Variants in SLC44A5 observed in about 807,000 individuals in gnomAD.
SLC44A5 encodes the protein solute carrier family 44 member 5, also known as choline transporter-like protein 5.
Under a neutral mutation model 101.8 loss-of-function variants are expected in SLC44A5, and 57 were observed. That is an observed-to-expected ratio of 0.56 (90% CI 0.45 to 0.70). The LOEUF (loss-of-function observed/expected upper bound fraction) is 0.70, where lower values mean the gene tolerates loss of function less well. Ranked by LOEUF, SLC44A5 falls within the 30% of genes least tolerant of loss-of-function variation. The probability of loss-of-function intolerance (pLI) is 0.00; values close to 1 mark genes in which losing one functional copy is unlikely to be tolerated. For synonymous variants in SLC44A5, 281 were observed against 290.9 expected (o/e 0.97, Z 0.35); for missense variants, 737 against 853.1 (o/e 0.86, Z 1.70).
chr1:75,283,104 CTA>C (rs1294500984), intron 5 of SLC44A5, among the ~76,000 whole-genome samples: 2 of 152,076 alleles, frequency 1.3e-5, no homozygotes, highest in Non-Finnish European at 2.9e-5. Context: ...AGTGGTAGTA[CTA>C]GTTTACATTC....
At chr1:75,245,791 A>C (rs1013013591) in intron 7 of SLC44A5, among the ~76,000 whole-genome samples, 8 of 152,096 alleles carry the variant, frequency 5.3e-5, no homozygotes, top group Non-Finnish European at 1.2e-4. Context: ...AAACAATACA[A>C]CTGCACTTTA....
At chr1:75,373,864 C>T (rs1437368818) in intron 3 of SLC44A5, among the ~76,000 whole-genome samples, 2 of 152,126 alleles carry the variant, frequency 1.3e-5, no homozygotes, top group African/African-American at 2.4e-5. Flanking sequence ...CCCTACCCCC[C>T]AGGATTCAAG....
intron 1 of SLC44A5, among the ~76,000 whole-genome samples, chr1:75,607,552 G>C (rs1211194178): frequency 6.6e-6 from 1 of 151,992 alleles, no homozygotes; most frequent in African/African-American, 2.4e-5. Flanking sequence ...TAACACATCT[G>C]ACATAGTTTG....
intron 1 of SLC44A5, among the ~76,000 whole-genome samples, chr1:75,573,000 G>T (rs1480892093): frequency 6.6e-6 from 1 of 151,786 alleles, no homozygotes; most frequent in Non-Finnish European, 1.5e-5. Context: ...GCATGCACCT[G>T]TAGTTCCAAC....
chr1:75,655,180 A>G, the SLC44A5 span, among the ~76,000 whole-genome samples: 1 of 152,240 alleles, frequency 6.6e-6, no homozygotes, highest in Non-Finnish European at 1.5e-5. Flanking sequence ...GACAAAAGTT[A>G]TGTAGCTTCA....
At chr1:75,511,722 A>G (rs1198609354) in intron 2 of SLC44A5, among the ~76,000 whole-genome samples, 2 of 152,198 alleles carry the variant, frequency 1.3e-5, no homozygotes, top group African/African-American at 4.8e-5. Context: ...GATGTGCATT[A>G]CATCTTTAAG....
chr1:75,225,710 A>G (rs1214621971), intron 13 of SLC44A5, among the ~76,000 whole-genome samples: 1 of 152,198 alleles, frequency 6.6e-6, no homozygotes, highest in African/African-American at 2.4e-5. Context: ...TTTGGTACCT[A>G]GAATTCTGTC....
At chr1:75,234,244 A>C in intron 11 of SLC44A5, 146 bp from the exon 12 acceptor site, 2 of 651,638 alleles carry the variant, frequency 3.1e-6, no homozygotes, top group Non-Finnish European at 5.5e-6. Context: ...AATGTTAAAA[A>C]GTGTAAACAA....
intron 2 of SLC44A5, among the ~76,000 whole-genome samples, chr1:75,427,777 TAA>T: frequency 6.6e-6 from 1 of 152,344 alleles, no homozygotes; most frequent in Non-Finnish European, 1.5e-5. Context: ...ATAAAATGAT[TAA>T]GACAGTACCT....
chr1:75,219,206 C>T (rs1647025092), intron 16 of SLC44A5, 51 bp downstream of exon 16: 1 of 1,232,890 alleles, frequency 8.1e-7, no homozygotes, highest in Non-Finnish European at 1.2e-6. Context: ...AAATGAATTG[C>T]AGCAGAAGTC....
chr1:75,621,750 A>T, the SLC44A5 span, among the ~76,000 whole-genome samples: 1 of 152,172 alleles, frequency 6.6e-6, no homozygotes, highest in African/African-American at 2.4e-5. Flanking sequence ...CACACAAAAA[A>T]ATCATAATAT....
At chr1:75,542,575 AT>A (rs1011913844) in intron 1 of SLC44A5, among the ~76,000 whole-genome samples, 1 of 152,020 alleles carries the variant, frequency 6.6e-6, no homozygotes, top group Non-Finnish European at 1.5e-5. Context: ...CTCATTTTAA[AT>A]TGCTTTTTTG....
intron 17 of SLC44A5, 27 bp downstream of exon 17, chr1:75,218,463 A>G (rs1235502282): frequency 6.2e-7 from 1 of 1,611,438 alleles, no homozygotes; most frequent in African/African-American, 1.3e-5. Flanking sequence ...CTGACAAGAT[A>G]GGTGTAGGCT....
chr1:75,674,397 G>A, the SLC44A5 span, among the ~76,000 whole-genome samples: 35 of 151,068 alleles, frequency 2.3e-4, no homozygotes, highest in South Asian at 6.3e-4. Context: ...TTTTTTTTTG[G>A]AGATGAAATT....
chr1:75,283,508 A>G lies in SLC44A5; in HGVS notation c.176-8466T>C, dbSNP rs1652789936. Among the ~76,000 whole-genome samples, 3 of 151,946 alleles carry G rather than the reference A, an allele frequency of 2.0e-5. 1 individual carries two copies. The highest frequency in any genetic ancestry group is 2.0e-4 in the Admixed American group (3 of 15,230). On this transcript the variant is annotated intron_variant, in intron 5 of 23. Coordinates refer to ENST00000370859, the MANE Select transcript of SLC44A5 (RefSeq NM_001130058.2). ...TGCAGAAGCTTTTTAGTTAAGTCCC[A>G]TCAATTTATCTTTGTTTTTTTGTCA...
intron 4 of SLC44A5, among the ~76,000 whole-genome samples, chr1:75,318,805 G>A (rs917347315): frequency 6.6e-6 from 1 of 152,080 alleles, no homozygotes; most frequent in African/African-American, 2.4e-5. Context: ...GGTACTTTTG[G>A]CAGCTGTCTT....
chr1:75,339,948 C>A (rs1031652271), intron 3 of SLC44A5, among the ~76,000 whole-genome samples: 1 of 152,120 alleles, frequency 6.6e-6, no homozygotes, highest in African/African-American at 2.4e-5. Context: ...TTATGGTCTG[C>A]AAAACAATTT....
At chr1:75,402,898 C>T (rs527980252) in intron 2 of SLC44A5, among the ~76,000 whole-genome samples, 1 of 152,310 alleles carries the variant, frequency 6.6e-6, no homozygotes, top group Non-Finnish European at 1.5e-5. Context: ...AGTGGTCTAG[C>T]TCAGTGGATC....
At chr1:75,720,872 C>T in the SLC44A5 span, among the ~76,000 whole-genome samples, 4 of 86,256 alleles carry the variant, frequency 4.6e-5, no homozygotes, top group Admixed American at 3.0e-4. Context: ...GGGGGGTAGG[C>T]GGGGGGAGGT....
Sources: gnomAD v4.1 joint callset for allele counts (sites outside exome capture counted in the v4.1 genomes callset) on GRCh38, gnomAD v4.1.1 for gene constraint, MANE v1.5 for transcripts, NCBI Gene and HGNC (gene_info 2026-07-23, HGNC 2026-07-21) for gene names.